HS6ST3: variants seen among roughly 807,000 people sequenced by gnomAD.
The protein encoded by HS6ST3 is heparan sulfate 6-O-sulfotransferase 3, also known as heparan-sulfate 6-O-sulfotransferase 3.
Under a neutral mutation model 36.7 loss-of-function variants are expected in HS6ST3, and 12 were observed. The ratio of observed to expected loss-of-function variants is 0.33; its 90% confidence interval spans 0.21 to 0.53. The LOEUF (loss-of-function observed/expected upper bound fraction) is 0.53. Among genes scored for constraint, HS6ST3 ranks in the 20% least tolerant of loss-of-function variants. The pLI is 0.95. For synonymous variants in HS6ST3, 240 were observed against 257.5 expected, an observed-to-expected ratio of 0.93 and a Z score of 0.65; for missense variants, 584 against 640.9, an observed-to-expected ratio of 0.91 and a Z score of 0.96.
At chr13:96,286,668 T>C (rs559944765) in intron 1 of HS6ST3, among the ~76,000 whole-genome samples, 1 of 152,206 alleles carries the variant, frequency 6.6e-6, no homozygotes, top group South Asian at 2.1e-4. Flanking sequence ...CTTTGGGCAG[T>C]TTGTATTACC....
intron 1 of HS6ST3, among the ~76,000 whole-genome samples, chr13:96,516,621 T>C (rs911727510): frequency 6.6e-6 from 1 of 152,238 alleles, no homozygotes; most frequent in Non-Finnish European, 1.5e-5. Context: ...CAGTTTTCTT[T>C]CTATGCGTAG....
intron 1 of HS6ST3, among the ~76,000 whole-genome samples, chr13:96,666,011 A>C (rs1178399605): frequency 6.6e-6 from 1 of 152,184 alleles, no homozygotes; most frequent in Non-Finnish European, 1.5e-5. Flanking sequence ...CATGGTGCTA[A>C]TAAAGACATA....
intron 1 of HS6ST3, among the ~76,000 whole-genome samples, chr13:96,165,873 G>A (rs2054157741): frequency 6.6e-6 from 1 of 152,080 alleles, no homozygotes; most frequent in South Asian, 2.1e-4. Flanking sequence ...GCAGGGTACG[G>A]TGTTTTGGCA....
intron 1 of HS6ST3, among the ~76,000 whole-genome samples, chr13:96,627,061 T>G (rs7330175): frequency 0.98 from 149,182 of 152,084 alleles, 73,228 homozygotes; most frequent in East Asian, 1. Context: ...CAGGGATCTC[T>G]CATCCAATGT....
At chr13:96,570,174 A>T (rs755302011) in intron 1 of HS6ST3, among the ~76,000 whole-genome samples, 1 of 152,144 alleles carries the variant, frequency 6.6e-6, no homozygotes, top group Non-Finnish European at 1.5e-5. Context: ...GGTTTGGTTT[A>T]TATCCTTTCT....
chr13:96,640,263 A>C (rs957099383), intron 1 of HS6ST3, among the ~76,000 whole-genome samples: 3 of 151,698 alleles, frequency 2.0e-5, no homozygotes, highest in African/African-American at 7.3e-5. Flanking sequence ...AGCCATTCTG[A>C]TTGGTGTGAG....
intron 1 of HS6ST3, among the ~76,000 whole-genome samples, chr13:96,776,343 A>G (rs1877386531): frequency 6.6e-6 from 1 of 152,190 alleles, no homozygotes; most frequent in Non-Finnish European, 1.5e-5. Flanking sequence ...CTAAGATCAG[A>G]GCAGAAACAA....
intron 1 of HS6ST3, among the ~76,000 whole-genome samples, chr13:96,249,131 A>T (rs57587515): frequency 6.6e-6 from 1 of 152,066 alleles, no homozygotes; most frequent in Admixed American, 6.6e-5. Flanking sequence ...GACAAAGCTG[A>T]GTTCTTTATC....
chr13:96,316,273 G>A (rs1053673183), intron 1 of HS6ST3, among the ~76,000 whole-genome samples: 1 of 121,212 alleles, frequency 8.3e-6, no homozygotes, highest in African/African-American at 2.9e-5. Flanking sequence ...GTGTGTGTGT[G>A]TGTGTGTGTG....
intron 1 of HS6ST3, among the ~76,000 whole-genome samples, chr13:96,194,141 C>A (rs1460103673): frequency 1.3e-5 from 2 of 152,182 alleles, no homozygotes; most frequent in African/African-American, 4.8e-5. Flanking sequence ...TATTTGCCGC[C>A]ATTCCACATA....
intron 1 of HS6ST3, among the ~76,000 whole-genome samples, chr13:96,376,110 C>A (rs1172908164): frequency 6.6e-6 from 1 of 152,138 alleles, no homozygotes; most frequent in East Asian, 1.9e-4. Flanking sequence ...GATGCTGTGA[C>A]TCCAGTCGTA....
At chr13:96,176,552 A>T (rs2054213504) in intron 1 of HS6ST3, among the ~76,000 whole-genome samples, 1 of 152,184 alleles carries the variant, frequency 6.6e-6, no homozygotes. Context: ...AAAAAAAAAA[A>T]AATTGAACCC....
At chr13:96,614,566 T>C (rs1292196364) in intron 1 of HS6ST3, among the ~76,000 whole-genome samples, 1 of 152,176 alleles carries the variant, frequency 6.6e-6, no homozygotes, top group Non-Finnish European at 1.5e-5. Flanking sequence ...GCTTATGTTG[T>C]GAATCTTTGT....
intron 1 of HS6ST3, among the ~76,000 whole-genome samples, chr13:96,315,967 C>T (rs2054966886): frequency 1.3e-5 from 2 of 152,108 alleles, no homozygotes; most frequent in Non-Finnish European, 2.9e-5. Flanking sequence ...CAGCACTTGG[C>T]TTCTCCCCAG....
At chr13:96,310,267 A>G (rs1369868394) in intron 1 of HS6ST3, among the ~76,000 whole-genome samples, 2 of 152,212 alleles carry the variant, frequency 1.3e-5, no homozygotes, top group Admixed American at 6.5e-5. Context: ...ATAGAATCAA[A>G]CAGAGAGCAA....
chr13:96,571,877 GGAAATCCCGAGTTCCT>G (rs964070808), intron 1 of HS6ST3, among the ~76,000 whole-genome samples: 10 of 152,126 alleles, frequency 6.6e-5, no homozygotes, highest in African/African-American at 2.4e-4. Flanking sequence ...CACACTGAAG[GGAAATCCCGAGTTCCT>G]GAAATCCAGC....
At chr13:96,358,820 T>C (rs933830497) in intron 1 of HS6ST3, among the ~76,000 whole-genome samples, 1 of 152,126 alleles carries the variant, frequency 6.6e-6, no homozygotes, top group Admixed American at 6.6e-5. Context: ...AGGGGTATTA[T>C]GCTGTCTGCA....
At chr13:96,490,618 G>T (rs1566375986) in intron 1 of HS6ST3, among the ~76,000 whole-genome samples, 6 of 152,076 alleles carry the variant, frequency 3.9e-5, no homozygotes, top group Admixed American at 2.0e-4. Context: ...TACAGACTCT[G>T]TCTTTCCAAG....
chr13:96,748,356 A>C (rs1876612647), intron 1 of HS6ST3, among the ~76,000 whole-genome samples: 1 of 152,046 alleles, frequency 6.6e-6, no homozygotes, highest in Non-Finnish European at 1.5e-5. Flanking sequence ...CAGGATGTGG[A>C]GTGTTATGAA....
Sources: allele counts gnomAD v4.1 joint callset (sites outside exome capture counted in the v4.1 genomes callset), GRCh38; gene constraint gnomAD v4.1.1; transcripts MANE v1.5; gene names NCBI Gene and HGNC (gene_info 2026-07-23, HGNC 2026-07-21).